The following PRKD1 variants were observed in gnomAD, a reference collection of about 807,000 sequenced individuals.
The protein encoded by PRKD1 is protein kinase D1, also known as serine/threonine-protein kinase D1.
In PRKD1, 63 loss-of-function variants were observed where a neutral mutation model predicts 95.9. The observed-to-expected ratio is 0.66, with a 90% CI of 0.54 to 0.81. The LOEUF (loss-of-function observed/expected upper bound fraction) is 0.81. Among genes scored for constraint, PRKD1 ranks in the 30% least tolerant of loss-of-function variants. The probability of loss-of-function intolerance (pLI) is 0.00; values close to 1 mark genes in which losing one functional copy is unlikely to be tolerated. For synonymous variants in PRKD1, 425 were observed against 423.1 expected, an observed-to-expected ratio of 1.00 and a Z score of -0.05; for missense variants, 1,048 against 1,165.3, an observed-to-expected ratio of 0.90 and a Z score of 1.47.
chr14:29,606,660 C>T (rs971793194), intron 13 of PRKD1, among the ~76,000 whole-genome samples: 9 of 152,268 alleles, frequency 5.9e-5, no homozygotes, highest in Admixed American at 2.0e-4. Context: ...TCAGGATATT[C>T]CCTTCCCTCC....
intron 1 of PRKD1, among the ~76,000 whole-genome samples, chr14:29,842,441 G>A (rs546625465): frequency 6.6e-5 from 10 of 152,256 alleles, no homozygotes; most frequent in South Asian, 2.1e-4. Flanking sequence ...ATTAGATGAC[G>A]GGAATTATCC....
At chr14:29,621,410 CTTTA>C (rs776012164) in intron 13 of PRKD1, among the ~76,000 whole-genome samples, 91 of 151,764 alleles carry the variant, frequency 6.0e-4, no homozygotes, top group Middle Eastern at 3.4e-3. Flanking sequence ...CTCTTTCTCT[CTTTA>C]TTTCTTTCCC....
chr14:29,676,789 T>A (rs1883250883), intron 2 of PRKD1, among the ~76,000 whole-genome samples: 1 of 152,156 alleles, frequency 6.6e-6, no homozygotes. Flanking sequence ...ACATGGACTG[T>A]AGAGTTAATT....
chr14:29,774,517 A>G (rs966914330), intron 1 of PRKD1, among the ~76,000 whole-genome samples: 2 of 152,304 alleles, frequency 1.3e-5, no homozygotes, highest in African/African-American at 4.8e-5. Context: ...CCTCCTAAGC[A>G]TTTCATATGC....
chr14:29,790,396 T>A (rs1487420464), intron 1 of PRKD1, among the ~76,000 whole-genome samples: 5 of 152,158 alleles, frequency 3.3e-5, no homozygotes, highest in African/African-American at 1.2e-4. Flanking sequence ...ATAGTGATCA[T>A]GTGCCATAAA....
chr14:29,616,242 C>CAAAAA (rs1878844640), intron 13 of PRKD1, among the ~76,000 whole-genome samples: 1 of 1,312 alleles, frequency 7.6e-4, no homozygotes, highest in African/African-American at 2.5e-3. Context: ...AAGAGTATGG[C>CAAAAA]CAAAAAAAAA....
intron 1 of PRKD1, among the ~76,000 whole-genome samples, chr14:29,872,668 A>G (rs1474532180): frequency 6.6e-6 from 1 of 151,926 alleles, no homozygotes. Flanking sequence ...AAAAAAAAAA[A>G]AAAGAAAAAA....
At chr14:29,826,826 T>TACATATATATACACACATATATATACAC (rs1310237149) in intron 1 of PRKD1, among the ~76,000 whole-genome samples, 1 of 21,190 alleles carries the variant, frequency 4.7e-5, no homozygotes, top group African/African-American at 2.2e-4. Flanking sequence ...CATATATATA[T>TACATATATATACACACATATATATACAC]ATATATATAT....
chr14:29,670,862 T>C (rs775822805), intron 2 of PRKD1, among the ~76,000 whole-genome samples: 17 of 152,222 alleles, frequency 1.1e-4, no homozygotes, highest in Non-Finnish European at 1.6e-4. Flanking sequence ...TGGAAACATC[T>C]AGAGTTGTGA....
chr14:29,759,433 T>C (rs76625917), intron 1 of PRKD1, among the ~76,000 whole-genome samples: 6 of 152,202 alleles, frequency 3.9e-5, no homozygotes, highest in East Asian at 1.9e-4. Flanking sequence ...ACTGGCCATA[T>C]TGATAAATGT....
intron 4 of PRKD1, among the ~76,000 whole-genome samples, chr14:29,642,813 T>C (rs1315804164): frequency 6.6e-6 from 1 of 152,148 alleles, no homozygotes; most frequent in Non-Finnish European, 1.5e-5. Flanking sequence ...TTACTGGGTT[T>C]ATTAGGTTAA....
chr14:29,899,046 T>A (rs1958982), intron 1 of PRKD1, among the ~76,000 whole-genome samples: 119 of 152,270 alleles, frequency 7.8e-4, no homozygotes, highest in Admixed American at 3.9e-3. Flanking sequence ...CATTTATGAT[T>A]CAAATATGAA....
At chr14:29,747,833 T>C (rs1422916451) in intron 1 of PRKD1, among the ~76,000 whole-genome samples, 1 of 152,182 alleles carries the variant, frequency 6.6e-6, no homozygotes, top group Non-Finnish European at 1.5e-5. Context: ...AACCTCTGTC[T>C]CCTGAACTCA....
chr14:29,733,250 C>T (rs1886542455), intron 1 of PRKD1, among the ~76,000 whole-genome samples: 1 of 151,806 alleles, frequency 6.6e-6, no homozygotes, highest in Admixed American at 6.6e-5. Context: ...CTACAGGCGC[C>T]CGCCACCACA....
intron 4 of PRKD1, among the ~76,000 whole-genome samples, chr14:29,662,426 G>T (rs1882235891): frequency 6.6e-6 from 1 of 151,942 alleles, no homozygotes; most frequent in South Asian, 2.1e-4. Flanking sequence ...AGAACTTCAT[G>T]GAATAATATA....
At chr14:29,623,341 A>C (rs953695613) in intron 13 of PRKD1, among the ~76,000 whole-genome samples, 2 of 152,216 alleles carry the variant, frequency 1.3e-5, no homozygotes, top group African/African-American at 4.8e-5. Flanking sequence ...AAACTCAATA[A>C]ATGGCAGTTA....
intron 4 of PRKD1, among the ~76,000 whole-genome samples, chr14:29,653,518 C>T (rs1482960503): frequency 6.6e-6 from 1 of 152,086 alleles, no homozygotes; most frequent in East Asian, 1.9e-4. Context: ...TATGGTCACA[C>T]AGGTCATCCA....
intron 2 of PRKD1, among the ~76,000 whole-genome samples, chr14:29,684,748 T>C (rs1040230008): frequency 1.8e-4 from 28 of 152,196 alleles, no homozygotes; most frequent in African/African-American, 5.1e-4. Context: ...ACAGTGTTCA[T>C]TGGGTAGGGC....
At chr14:29,764,193 G>A (rs865805477) in intron 1 of PRKD1, among the ~76,000 whole-genome samples, 2 of 151,866 alleles carry the variant, frequency 1.3e-5, no homozygotes, top group Middle Eastern at 3.4e-3. Context: ...TGGTTTTAAC[G>A]TACATGCTTG....
Sources: allele counts gnomAD v4.1 joint callset (sites outside exome capture counted in the v4.1 genomes callset), GRCh38; gene constraint gnomAD v4.1.1; transcripts MANE v1.5; gene names NCBI Gene and HGNC (gene_info 2026-07-23, HGNC 2026-07-21).